The following ANO10 variants were observed in gnomAD, a reference collection of about 807,000 sequenced individuals.
ANO10 encodes the protein anoctamin 10.
In ANO10, 77 loss-of-function variants were observed where a neutral mutation model predicts 74.7. The ratio of observed to expected loss-of-function variants is 1.03; its 90% CI spans 0.86 to 1.25. ANO10 has a LOEUF of 1.25. Among genes scored for constraint, ANO10 ranks in the 50% most tolerant of loss-of-function variants. The pLI is 0.00. For missense variants in ANO10, 721 were observed against 778.1 expected (o/e 0.93, Z 0.87); for synonymous variants, 279 against 284.9 (o/e 0.98, Z 0.21).
At chr3:43,466,863 A>C (rs926521792) in intron 11 of ANO10, among the ~76,000 whole-genome samples, 1 of 152,240 alleles carries the variant, frequency 6.6e-6, no homozygotes, top group Non-Finnish European at 1.5e-5. Context: ...ATTATATTTG[A>C]CAATTAACTT....
chr3:43,423,264 A>G (rs1470137027), intron 12 of ANO10, among the ~76,000 whole-genome samples: 3 of 152,138 alleles, frequency 2.0e-5, no homozygotes, highest in East Asian at 3.8e-4. Flanking sequence ...CAGAGTATCT[A>G]TTTTAAGACT....
intron 1 of ANO10, among the ~76,000 whole-genome samples, chr3:43,683,205 CTT>C (rs1468846396): frequency 7.2e-5 from 11 of 152,290 alleles, no homozygotes; most frequent in Admixed American, 6.5e-4. Context: ...CCAAAATCTC[CTT>C]AAGCTGATAA....
chr3:43,560,794 A>C (rs79667367), intron 9 of ANO10, among the ~76,000 whole-genome samples: 1 of 152,338 alleles, frequency 6.6e-6, no homozygotes, highest in African/African-American at 2.4e-5. Flanking sequence ...ACTAAAATTC[A>C]ATCTTCAGAT....
intron 1 of ANO10, among the ~76,000 whole-genome samples, chr3:43,660,456 GC>G (rs1339344494): frequency 2.6e-5 from 4 of 151,992 alleles, no homozygotes; most frequent in African/African-American, 9.7e-5. Flanking sequence ...GCATACACAA[GC>G]TTCAATAGCC....
intron 12 of ANO10, among the ~76,000 whole-genome samples, chr3:43,383,432 C>G (rs1414482522): frequency 8.2e-6 from 1 of 121,418 alleles, no homozygotes; most frequent in Non-Finnish European, 1.6e-5. Context: ...CCAGCCTGGG[C>G]AACAGAGCGA....
At chr3:43,586,995 T>C (rs142769957) in intron 4 of ANO10, among the ~76,000 whole-genome samples, 2 of 152,190 alleles carry the variant, frequency 1.3e-5, no homozygotes, top group East Asian at 3.9e-4. Context: ...CCCCTCAAGA[T>C]GAGAACAGAG....
intron 7 of ANO10, among the ~76,000 whole-genome samples, chr3:43,566,096 T>C (rs1450127715): frequency 6.6e-6 from 1 of 151,994 alleles, no homozygotes; most frequent in Non-Finnish European, 1.5e-5. Context: ...GAAAATCGGG[T>C]CACTCCCACC....
chr3:43,451,038 A>G (rs1559556914), intron 11 of ANO10, among the ~76,000 whole-genome samples: 1 of 152,218 alleles, frequency 6.6e-6, no homozygotes. Flanking sequence ...TTTTCAAAGT[A>G]TATCACAGCA....
At chr3:43,672,310 G>A (rs569454900) in intron 1 of ANO10, among the ~76,000 whole-genome samples, 1 of 152,228 alleles carries the variant, frequency 6.6e-6, no homozygotes, top group East Asian at 1.9e-4. Flanking sequence ...GATCACTTGA[G>A]CCCAGGAGTT....
chr3:43,580,520 T>G (rs199834409), intron 4 of ANO10, 48 bp from the exon 5 acceptor site: 1 of 1,607,650 alleles, frequency 6.2e-7, no homozygotes, highest in Admixed American at 1.7e-5. Context: ...CTGGAGATTG[T>G]GCATGATACG....
At position 43,574,662 on chromosome 3, in the gene ANO10, C is replaced by T. The variant is rs935864606; in HGVS notation, c.1218+147G>A. Reference sequence around the variant, plus strand: ...AATAAGGCTACTGAACACAGAGGTACACATATTTATTAATCAATCCTTGCC... The same window carrying T: ...AATAAGGCTACTGAACACAGAGGTATACATATTTATTAATCAATCCTTGCC... On this transcript the variant is annotated intron_variant, in intron 7 of 12. Transcript: ENST00000292246. 7 of 684,318 alleles carry T rather than the reference C, an allele frequency of 1.0e-5. No individual in the cohort carries two copies. The African/African-American group carries it at 1.3e-4, about 12-fold the overall frequency. The allele number at this position is 684,318 out of a possible 1,614,324, so 42.4% of individuals were successfully genotyped here. A position where few individuals can be genotyped will look rare whatever the true frequency, so the allele number is the denominator to read the frequency against.
intron 11 of ANO10, among the ~76,000 whole-genome samples, chr3:43,435,884 G>A (rs890755430): frequency 2.6e-5 from 4 of 152,222 alleles, no homozygotes; most frequent in African/African-American, 7.2e-5. Context: ...ACTTGTGAGT[G>A]AGGTGGGAAG....
At chr3:43,566,731 G>A (rs1305248247) in intron 7 of ANO10, among the ~76,000 whole-genome samples, 1 of 152,198 alleles carries the variant, frequency 6.6e-6, no homozygotes, top group African/African-American at 2.4e-5. Flanking sequence ...CCACAAAGAT[G>A]GGGAAAAACC....
At chr3:43,382,150 GAC>G (rs1171482263) in intron 12 of ANO10, among the ~76,000 whole-genome samples, 1 of 152,214 alleles carries the variant, frequency 6.6e-6, no homozygotes, top group African/African-American at 2.4e-5. Context: ...AGCACAAATA[GAC>G]AATCTAAGGT....
chr3:43,482,710 G>C (rs1464748575), intron 11 of ANO10, among the ~76,000 whole-genome samples: 1 of 152,192 alleles, frequency 6.6e-6, no homozygotes, highest in Non-Finnish European at 1.5e-5. Context: ...TTGGCCAATA[G>C]CTCCTAATCT....
intron 12 of ANO10, among the ~76,000 whole-genome samples, chr3:43,408,209 A>C (rs922962040): frequency 4.6e-5 from 7 of 152,232 alleles, no homozygotes; most frequent in Non-Finnish European, 1.0e-4. Flanking sequence ...AACCCTGACA[A>C]AGAAAATCTA....
chr3:43,570,601 T>A (rs1364898668), intron 7 of ANO10, among the ~76,000 whole-genome samples: 1 of 151,968 alleles, frequency 6.6e-6, no homozygotes, highest in East Asian at 1.9e-4. Flanking sequence ...CCCTATTTAA[T>A]AAATGGTGCT....
intron 1 of ANO10, among the ~76,000 whole-genome samples, chr3:43,688,477 A>C (rs2084303642): frequency 6.6e-6 from 1 of 152,214 alleles, no homozygotes; most frequent in Non-Finnish European, 1.5e-5. Flanking sequence ...AGTTTTGGGA[A>C]GGCCTCCAAG....
At chr3:43,580,179 G>A (rs1402464937) in intron 5 of ANO10, among the ~76,000 whole-genome samples, 174 bp downstream of exon 5, 1 of 150,622 alleles carries the variant, frequency 6.6e-6, no homozygotes, top group African/African-American at 2.4e-5. Context: ...AAAGAAAAAA[G>A]GGGTCATCTA....
Sources: allele counts gnomAD v4.1 joint callset (sites outside exome capture counted in the v4.1 genomes callset), GRCh38; gene constraint gnomAD v4.1.1; transcripts MANE v1.5; gene names NCBI Gene and HGNC (gene_info 2026-07-23, HGNC 2026-07-21).